The following LSP1 variants were observed in gnomAD, a reference collection of about 807,000 sequenced individuals.
LSP1 encodes lymphocyte-specific protein 1.
LSP1 carries 32 observed loss-of-function variants against 49.3 expected under a neutral mutation model. The observed-to-expected ratio is 0.65, with a 90% confidence interval of 0.49 to 0.87. The LOEUF (loss-of-function observed/expected upper bound fraction) is 0.87, where lower values mean the gene tolerates loss of function less well. LSP1 is among the 40% of genes least tolerant of loss of function. The probability of loss-of-function intolerance (pLI) is 0.00; values close to 1 mark genes in which losing one functional copy is unlikely to be tolerated. For synonymous variants in LSP1, 179 were observed against 178.8 expected, an observed-to-expected ratio of 1.00 and a Z score of -0.01; for missense variants, 428 against 442.6, an observed-to-expected ratio of 0.97 and a Z score of 0.30.
chr11:1,866,598 G>GC (rs773152256), intron 1 of LSP1: 1 of 1,549,830 alleles, frequency 6.5e-7, no homozygotes, highest in Non-Finnish European at 8.7e-7. Context: ...CCTACCCCTG[G>GC]CCCCCCATAA....
rs758943635 is a variant in LSP1, at chr11:1,880,147, TGAGA to T, written c.119_122del (p.Arg40ThrfsTer27). On this transcript the variant is annotated frameshift_variant, in exon 2 of 11. Coordinates refer to ENST00000311604, the MANE Select transcript of LSP1 (RefSeq NM_002339.3). LOFTEE classifies it high-confidence loss of function. ...AGGCCGTCCACGAGCAATGCCAGCA[TGAGA>T]GAGACAGGCAGCTTCAGGCCCAGGA... The T allele has an allele frequency of 1.2e-6, 2 of 1,607,890 alleles. No homozygotes were observed. The highest frequency in any genetic ancestry group is 1.7e-6 in the Non-Finnish European group (2 of 1,176,560).
chr11:1,868,307 T>C (rs1332923084), intron 1 of LSP1, among the ~76,000 whole-genome samples: 1 of 152,172 alleles, frequency 6.6e-6, no homozygotes, highest in Non-Finnish European at 1.5e-5. Flanking sequence ...TTATCAAGCA[T>C]TGAGGTCCCC....
chr11:1,854,774 C>G (rs963972576), intron 1 of LSP1, among the ~76,000 whole-genome samples: 12 of 152,278 alleles, frequency 7.9e-5, no homozygotes, highest in African/African-American at 1.9e-4. Context: ...CCTGTCAGCA[C>G]CACCCCCAGC....
Position 1,884,114 on chromosome 11 carries a change from A to G in LSP1, c.591+90A>G, listed in dbSNP as rs1477497405. 9.6e-6 allele frequency: 14 copies of G among 1,465,150 alleles called. No homozygotes were observed. The highest frequency in any genetic ancestry group is 9.0e-5 in the Admixed American group (5 of 55,778). 90.8% of individuals were successfully genotyped at this position (1,465,150 alleles called of 1,614,324 possible). On this transcript the variant is annotated intron_variant, in intron 5 of 10. Coordinates refer to ENST00000311604, the MANE Select transcript of LSP1 (RefSeq NM_002339.3). This position sits in a 1 kb window ranked among gnomAD's most constrained non-coding sequence, Gnocchi z 4.1. The stretch of plus-strand genomic sequence containing the variant: ...CCCACATGCCAGCCACAGGAAGACC[A>G]GGCCCAGGCCTGGCTTTTGTCTGCT...
At chr11:1,887,416 G>A (rs533966826) in intron 9 of LSP1, 58 bp from the exon 10 acceptor site, 2 of 1,580,518 alleles carry the variant, frequency 1.3e-6, no homozygotes, top group South Asian at 1.1e-5. Context: ...AGAGGCGGAG[G>A]CAGCATCATC....
intron 1 of LSP1, among the ~76,000 whole-genome samples, chr11:1,855,725 A>C (rs10769814): frequency 0.65 from 98,856 of 152,084 alleles, 32,266 homozygotes; most frequent in East Asian, 0.78. Context: ...GCTGTCCAGC[A>C]GACAGTCACT....
At chr11:1,857,364 G>C (rs1159681549) in intron 1 of LSP1, among the ~76,000 whole-genome samples, 1 of 152,216 alleles carries the variant, frequency 6.6e-6, no homozygotes, top group African/African-American at 2.4e-5. Flanking sequence ...GTGGCAGGAT[G>C]GTGGGCCTCT....
rs538386112 is a variant in LSP1 at position 1,854,352 on chromosome 11, G to C, written c.53+1155G>C. On this transcript the variant is annotated intron_variant, in intron 1 of 10. Transcript: ENST00000311604. ...GCAGCCAGGGCTGCTACCAGTCTCT[G>C]CCTTGGTGCTGACAGCAGAGGGTCC... 5.3e-5 allele frequency among the ~76,000 whole-genome samples: 8 copies of C among 152,308 alleles called. No homozygotes were observed. In the East Asian group the frequency reaches 1.5e-3, roughly 29 times the overall value.
chr11:1,875,123 G>A (rs1176365221), intron 1 of LSP1, among the ~76,000 whole-genome samples: 1 of 149,040 alleles, frequency 6.7e-6, no homozygotes, highest in Non-Finnish European at 1.5e-5. Context: ...AGAGCCTCCG[G>A]CCCCTGCCAG....
At chr11:1,881,725 C>T (rs777845457) in intron 3 of LSP1, 129 bp downstream of exon 3, 6 of 950,132 alleles carry the variant, frequency 6.3e-6, no homozygotes, top group Admixed American at 4.3e-5. Flanking sequence ...CAGGGCACCG[C>T]GGAGCTCCCT....
At chr11:1,854,554 C>T (rs1305033260) in intron 1 of LSP1, among the ~76,000 whole-genome samples, 1 of 152,196 alleles carries the variant, frequency 6.6e-6, no homozygotes, top group Non-Finnish European at 1.5e-5. Context: ...CCAAATCCCA[C>T]TTGGGTACAG....
intron 1 of LSP1, chr11:1,870,795 G>C (rs1847964655): frequency 1.0e-6 from 1 of 989,240 alleles, no homozygotes; most frequent in Non-Finnish European, 1.2e-6. Flanking sequence ...AAGGAAAGAG[G>C]ATGGCAGAGC....
At chr11:1,853,272 G>A in intron 1 of LSP1, 75 bp downstream of exon 1, 3 of 1,464,958 alleles carry the variant, frequency 2.0e-6, no homozygotes, top group South Asian at 1.3e-5. Flanking sequence ...CATGGAGGGT[G>A]GAGAACTGAG....
intron 1 of LSP1, among the ~76,000 whole-genome samples, chr11:1,856,705 T>C (rs1847498172): frequency 6.6e-6 from 1 of 152,136 alleles, no homozygotes; most frequent in South Asian, 2.1e-4. Flanking sequence ...CCCCTGGAAG[T>C]CTTCATCTGA....
chr11:1,855,145 C>T (rs1477519819), intron 1 of LSP1, among the ~76,000 whole-genome samples: 2 of 152,216 alleles, frequency 1.3e-5, no homozygotes, highest in Non-Finnish European at 2.9e-5. Context: ...CGCAGCCAAG[C>T]CTGACCTTTC....
intron 1 of LSP1, chr11:1,870,210 T>C (rs1449812058): frequency 8.5e-7 from 1 of 1,180,034 alleles, no homozygotes; most frequent in Admixed American, 2.3e-5. Flanking sequence ...CAAGGCCATG[T>C]GAGTCTCCCA....
In LSP1 at chr11:1,884,649, A is replaced by T. The variant is rs1282579589; in HGVS notation, c.717+68A>T. On this transcript the variant is annotated intron_variant, in intron 7 of 10. Transcript: ENST00000311604. This position sits in a 1 kb window ranked among gnomAD's most constrained non-coding sequence, Gnocchi z 4.1. ...CTGGCACCATTCCTTCATCCAACCA[A>T]CGCCCTTCCATCCAATCAGTGCCGC... The T allele has an allele frequency of 7.4e-7, 1 of 1,359,184 alleles. No homozygotes were observed. 84.2% of individuals were successfully genotyped at this position (1,359,184 alleles called of 1,614,324 possible).
chr11:1,869,825 CTGAGAAA>C, intron 1 of LSP1: 1 of 467,456 alleles, frequency 2.1e-6, no homozygotes, highest in South Asian at 1.6e-5. Context: ...TTCCCCGAGA[CTGAGAAA>C]TGAATTTCTG....
At chr11:1,862,909 G>C (rs1380106216) in intron 1 of LSP1, among the ~76,000 whole-genome samples, 2 of 152,168 alleles carry the variant, frequency 1.3e-5, no homozygotes, top group Admixed American at 1.3e-4. Context: ...CATCCCTCCT[G>C]CTTACTCCAG....
Sources: gnomAD v4.1 joint callset for allele counts (sites outside exome capture counted in the v4.1 genomes callset) on GRCh38, gnomAD v4.1.1 for gene constraint, Gnocchi (gnomAD v3.1) non-coding constraint, MANE v1.5 for transcripts, NCBI Gene and HGNC (gene_info 2026-07-23, HGNC 2026-07-21) for gene names.